The following NEURL1 variants were observed in gnomAD, a reference collection of about 807,000 sequenced individuals.
NEURL1 encodes the protein neuralized E3 ubiquitin protein ligase 1.
In NEURL1, 26 loss-of-function variants were observed where a neutral mutation model predicts 41.2. That is an observed-to-expected ratio of 0.63 (90% CI 0.46 to 0.87). NEURL1 has a LOEUF of 0.87. NEURL1 is among the 40% of genes least tolerant of loss of function. The probability of loss-of-function intolerance (pLI) is 0.00; values close to 1 mark genes in which losing one functional copy is unlikely to be tolerated. For missense variants in NEURL1, 761 were observed against 871.1 expected (o/e 0.87, Z 1.59); for synonymous variants, 400 against 402.3 (o/e 0.99, Z 0.07).
At chr10:103,541,065 C>G (rs2034811128) in intron 1 of NEURL1, among the ~76,000 whole-genome samples, 1 of 152,274 alleles carries the variant, frequency 6.6e-6, no homozygotes, top group Middle Eastern at 3.4e-3. Context: ...AGTAACTGAA[C>G]TCGATAATGT....
At chr10:103,579,663 C>T (rs532876109) in intron 3 of NEURL1, among the ~76,000 whole-genome samples, 7 of 152,288 alleles carry the variant, frequency 4.6e-5, no homozygotes, top group South Asian at 4.1e-4. Flanking sequence ...GACTTCGGGG[C>T]AGGCATGGTG....
intron 3 of NEURL1, among the ~76,000 whole-genome samples, chr10:103,583,186 G>A (rs2035820327): frequency 6.6e-6 from 1 of 152,166 alleles, no homozygotes; most frequent in African/African-American, 2.4e-5. Flanking sequence ...AAGGAGCCCA[G>A]GAGTTAAATT....
intron 1 of NEURL1, among the ~76,000 whole-genome samples, chr10:103,560,356 G>A (rs2035266500): frequency 6.6e-6 from 1 of 152,224 alleles, no homozygotes. Context: ...ACACAAGAGG[G>A]AGAGGAGGAG....
chr10:103,539,810 T>C (rs1170219408), intron 1 of NEURL1, among the ~76,000 whole-genome samples: 1 of 152,204 alleles, frequency 6.6e-6, no homozygotes, highest in African/African-American at 2.4e-5. Context: ...CAAATTAGAA[T>C]TGTTGGGTGG....
chr10:103,538,400 G>A (rs1050525665), intron 1 of NEURL1, among the ~76,000 whole-genome samples: 45 of 151,942 alleles, frequency 3.0e-4, no homozygotes, highest in African/African-American at 1.1e-3. Flanking sequence ...GTGAAACCCC[G>A]TTTCTACTAA....
chr10:103,494,681 C>T (rs909612532), intron 1 of NEURL1: 2 of 547,814 alleles, frequency 3.7e-6, no homozygotes, highest in South Asian at 4.6e-5. Flanking sequence ...GCAGTTCTGT[C>T]TGCTGGCACT....
At chr10:103,567,517 G>A (rs943217101) in intron 1 of NEURL1, among the ~76,000 whole-genome samples, 3 of 152,092 alleles carry the variant, frequency 2.0e-5, no homozygotes, top group African/African-American at 4.8e-5. Context: ...CTGAGTAGCT[G>A]GGACTACTGG....
At chr10:103,576,017 G>A (rs2035655272) in intron 3 of NEURL1, among the ~76,000 whole-genome samples, 1 of 152,236 alleles carries the variant, frequency 6.6e-6, no homozygotes, top group Non-Finnish European at 1.5e-5. Flanking sequence ...GCATCCCTTG[G>A]TGCCTACCAC....
chr10:103,588,269 G>A (rs1163437438), intron 4 of NEURL1, among the ~76,000 whole-genome samples: 1 of 147,324 alleles, frequency 6.8e-6, no homozygotes, highest in East Asian at 2.0e-4. Flanking sequence ...TTGCGCCACT[G>A]CACTCCAGCC....
chr10:103,583,464 G>A (rs1040554192), intron 3 of NEURL1, among the ~76,000 whole-genome samples: 3 of 151,906 alleles, frequency 2.0e-5, no homozygotes, highest in East Asian at 3.9e-4. Context: ...ACTTCTAATC[G>A]TAGCACTTTG....
Position 103,571,482 on chromosome 10 carries a change from G to A in NEURL1, c.328-19G>A, listed in dbSNP as rs751908444. 2.5e-6 allele frequency: 4 copies of A among 1,583,940 alleles called. 1 individual carries two copies. In the South Asian group the frequency reaches 4.5e-5, roughly 18 times the overall value. Reference sequence around the variant, plus strand: ...ACCAAGTGGGAGAGGGTGGGCTGAGGCCACCCCCTGCCACCCAGATCACCA... The same window carrying A: ...ACCAAGTGGGAGAGGGTGGGCTGAGACCACCCCCTGCCACCCAGATCACCA... On this transcript the variant is annotated intron_variant, in intron 2 of 5. Transcript: ENST00000369780.
At chr10:103,507,677 G>T (rs2033979263) in intron 1 of NEURL1, among the ~76,000 whole-genome samples, 1 of 152,160 alleles carries the variant, frequency 6.6e-6, no homozygotes, top group Non-Finnish European at 1.5e-5. Context: ...AAGAGAGACA[G>T]GTGAGCAGGC....
At chr10:103,564,400 T>C (rs2035372897) in intron 1 of NEURL1, among the ~76,000 whole-genome samples, 1 of 152,172 alleles carries the variant, frequency 6.6e-6, no homozygotes, top group African/African-American at 2.4e-5. Flanking sequence ...CATCCAGTTG[T>C]GTGTGCCTCT....
At chr10:103,530,708 T>C (rs953628979) in intron 1 of NEURL1, among the ~76,000 whole-genome samples, 16 of 152,130 alleles carry the variant, frequency 1.1e-4, no homozygotes, top group Non-Finnish European at 2.1e-4. Flanking sequence ...AGCCAGCTAA[T>C]TTTTGTGTTA....
At position 103,570,953 on chromosome 10, in the gene NEURL1, G is replaced by T. The variant is rs1027115656; in HGVS notation, c.167G>T (p.Gly56Val). The change falls in exon 2 of 6, where the codon GGG becomes GTG. Residue 56 changes from glycine (G) to valine (V), a missense_variant. This residue lies in a region of NEURL1 where 94 missense variants were observed against 96.6 expected (regional missense o/e 0.97). Transcript: ENST00000369780. ...CACTGTCCGGCAGTGCTGCCCAGCGGGGGGCTCCCAGCCACGCCGCTGCTC... is the reference window on the plus strand; with the variant it reads ...CACTGTCCGGCAGTGCTGCCCAGCGTGGGGCTCCCAGCCACGCCGCTGCTC... ...QKHCPAVLPS[G>V]GLPATPLLFH... The T allele has an allele frequency of 5.6e-6, 9 of 1,613,808 alleles. No homozygotes were observed. The highest frequency in any genetic ancestry group is 7.6e-6 in the Non-Finnish European group (9 of 1,180,006).
intron 1 of NEURL1, among the ~76,000 whole-genome samples, chr10:103,527,404 C>T (rs1419147469): frequency 4.6e-5 from 7 of 151,320 alleles, no homozygotes; most frequent in African/African-American, 1.7e-4. Flanking sequence ...AAGCGATTCT[C>T]CTGCTTCAGC....
At chr10:103,511,059 C>T (rs1004779374) in intron 1 of NEURL1, among the ~76,000 whole-genome samples, 3 of 152,314 alleles carry the variant, frequency 2.0e-5, no homozygotes, top group South Asian at 2.1e-4. Flanking sequence ...GGTGGACTTC[C>T]CCATCTCAGA....
intron 1 of NEURL1, among the ~76,000 whole-genome samples, chr10:103,512,867 G>T (rs1298883205): frequency 6.6e-6 from 1 of 152,122 alleles, no homozygotes; most frequent in African/African-American, 2.4e-5. Flanking sequence ...TCCAGGAAGT[G>T]GCTGGGTCCC....
At chr10:103,551,154 T>C (rs1020323530) in intron 1 of NEURL1, among the ~76,000 whole-genome samples, 2 of 152,104 alleles carry the variant, frequency 1.3e-5, no homozygotes, top group African/African-American at 4.8e-5. Flanking sequence ...ACCCCTGGCT[T>C]CTGCAGGGTG....
Sources: gnomAD v4.1 joint callset for allele counts (sites outside exome capture counted in the v4.1 genomes callset) on GRCh38, gnomAD v4.1.1 for gene constraint, gnomAD v4.1.1 regional missense constraint, MANE v1.5 for transcripts, NCBI Gene and HGNC (gene_info 2026-07-23, HGNC 2026-07-21) for gene names.